The following LIPE variants were observed in gnomAD, a reference collection of about 807,000 sequenced individuals.
LIPE encodes the protein lipase E, hormone sensitive type.
In LIPE, 66 loss-of-function variants were observed where a neutral mutation model predicts 88.5. The observed-to-expected ratio is 0.75, with a 90% CI of 0.61 to 0.91. The LOEUF (loss-of-function observed/expected upper bound fraction) is 0.91. Among genes scored for constraint, LIPE ranks in the 40% least tolerant of loss-of-function variants. LIPE has a pLI of 0.00. For synonymous variants in LIPE, 570 were observed against 617.5 expected (o/e 0.92, Z 1.14); for missense variants, 1,346 against 1,434.7 (o/e 0.94, Z 1.00).
At chr19:42,421,307 T>C (rs35074169) in intron 1 of LIPE, among the ~76,000 whole-genome samples, 38 of 152,282 alleles carry the variant, frequency 2.5e-4, no homozygotes, top group Non-Finnish European at 4.7e-4. Context: ...GCCTCGGGTC[T>C]TTCTCCATAC....
intron 7 of LIPE, 174 bp downstream of exon 7, chr19:42,405,987 C>CAG: frequency 1.7e-6 from 1 of 578,256 alleles, no homozygotes; most frequent in Non-Finnish European, 3.0e-6. Flanking sequence ...CACACACACA[C>CAG]ACACACACAC....
intron 7 of LIPE, 132 bp from the exon 8 acceptor site, chr19:42,405,693 G>C (rs2040148031): frequency 1.2e-6 from 1 of 867,356 alleles, no homozygotes; most frequent in Non-Finnish European, 1.8e-6. Flanking sequence ...AAGGAGGCTG[G>C]GCGCAGTGGC....
chr19:42,423,065 G>A (rs2040630970), intron 1 of LIPE: 1 of 263,130 alleles, frequency 3.8e-6, no homozygotes, highest in South Asian at 3.2e-5. Flanking sequence ...CTGGAGCCCT[G>A]AACATCGGCG....
At chr19:42,409,862 C>T (rs1438759995) in intron 2 of LIPE, among the ~76,000 whole-genome samples, 1 of 152,030 alleles carries the variant, frequency 6.6e-6, no homozygotes, top group African/African-American at 2.4e-5. Flanking sequence ...GATAGGCTAG[C>T]CTGAAGGGAA....
Position 42,427,282 on chromosome 19 carries a change from G to A in LIPE, c.-133C>T. ...TCCTCTTGGGTTTCACTCCATCCTAGCATCACTGGTCTTCCTTTTTAAGGC... is the reference window on the plus strand; with the variant it reads ...TCCTCTTGGGTTTCACTCCATCCTAACATCACTGGTCTTCCTTTTTAAGGC... On this transcript the variant is annotated 5_prime_UTR_variant, in exon 1 of 10. Coordinates refer to ENST00000244289, the MANE Select transcript of LIPE (RefSeq NM_005357.4). 7.0e-6 allele frequency: 10 copies of A among 1,420,224 alleles called. No homozygotes were observed. Among genetic ancestry groups the A allele is most frequent in the East Asian group, 2.5e-5 (1 of 39,714 alleles). The allele number at this position is 1,420,224 out of a possible 1,614,324, so 88.0% of individuals were successfully genotyped here.
chr19:42,415,130 G>A (rs1427161674), intron 1 of LIPE, among the ~76,000 whole-genome samples: 2 of 152,128 alleles, frequency 1.3e-5, no homozygotes, highest in Non-Finnish European at 2.9e-5. Flanking sequence ...TACTCGGGAG[G>A]CTGAGGCAGG....
Position 42,427,174 on chromosome 19 carries a change from T to C in LIPE, c.-25A>G, listed in dbSNP as rs1454176003. On this transcript the variant is annotated 5_prime_UTR_variant, in exon 1 of 10. Coordinates refer to ENST00000244289, the MANE Select transcript of LIPE (RefSeq NM_005357.4). ...TTGTTATTTCCCTCACGGGAGATAT[T>C]GATCTTCCAGGTTCTATCCTTCTGG... The C allele has an allele frequency of 3.8e-6, 6 of 1,562,908 alleles. No homozygotes were observed. Among genetic ancestry groups the C allele is most frequent in the Non-Finnish European group, 5.2e-6 (6 of 1,159,196 alleles).
chr19:42,401,570 C>T lies in LIPE; in HGVS notation c.*242G>A, dbSNP rs1457575623. ...ACCGACCTGCAAGGGAGGGCCAGTC[C>T]CCGTCCCTGCGGCGGTCGCCGCAGC... On this transcript the variant is annotated 3_prime_UTR_variant, in exon 10 of 10. Transcript: ENST00000244289. 1 of 496,372 alleles carries T rather than the reference C, an allele frequency of 2.0e-6. No homozygotes were observed. The highest frequency in any genetic ancestry group is 3.5e-5 in the East Asian group (1 of 28,518). 30.7% of individuals were successfully genotyped at this position (496,372 alleles called of 1,614,324 possible). A position where few individuals can be genotyped will look rare whatever the true frequency, so the allele number is the denominator to read the frequency against.
intron 1 of LIPE, among the ~76,000 whole-genome samples, chr19:42,418,100 A>G (rs2040526336): frequency 6.6e-6 from 1 of 151,888 alleles, no homozygotes; most frequent in South Asian, 2.1e-4. Context: ...CTCCTACCTC[A>G]GCCTCCTGAG....
chr19:42,402,198 G>C (rs1042284651), intron 9 of LIPE, 123 bp from the exon 10 acceptor site: 3 of 950,950 alleles, frequency 3.2e-6, no homozygotes, highest in South Asian at 1.9e-5. Flanking sequence ...CGGAGTGGAC[G>C]GAGGCAGGAG....
At chr19:42,411,335 T>C in intron 1 of LIPE, 2 of 985,108 alleles carry the variant, frequency 2.0e-6, no homozygotes, top group South Asian at 9.4e-5. Flanking sequence ...TCTAGTCACC[T>C]GTCTCCATGA....
intron 1 of LIPE, chr19:42,424,146 T>C: frequency 8.4e-7 from 1 of 1,187,040 alleles, no homozygotes; most frequent in African/African-American, 1.6e-5. Flanking sequence ...ATTGCGCTTT[T>C]CCTGGGGGAT....
At position 42,408,195 on chromosome 19, in the gene LIPE, G is replaced by A. The variant is rs1218726177; in HGVS notation, c.1510+37C>T. On this transcript the variant is annotated intron_variant, in intron 3 of 9. Transcript: ENST00000244289. This position sits in a 1 kb window ranked among gnomAD's most constrained non-coding sequence, Gnocchi z 4.3. The stretch of plus-strand genomic sequence containing the variant: ...GGGCAGGAGTGGGGAGGAGGGCCAA[G>A]AGAGTAGGCTGCGAGTAGAACCTGG... 1.2e-6 allele frequency: 2 copies of A among 1,613,836 alleles called. No individual in the cohort carries two copies. Among genetic ancestry groups the A allele is most frequent in the Non-Finnish European group, 1.7e-6 (2 of 1,179,736 alleles).
chr19:42,418,467 A>C (rs1254236336), intron 1 of LIPE, among the ~76,000 whole-genome samples: 1 of 152,202 alleles, frequency 6.6e-6, no homozygotes, highest in Non-Finnish European at 1.5e-5. Flanking sequence ...CACTGGGGCA[A>C]GACCCTCCAC....
chr19:42,421,051 A>G (rs1449045380), intron 1 of LIPE, among the ~76,000 whole-genome samples: 2 of 152,014 alleles, frequency 1.3e-5, no homozygotes, highest in African/African-American at 4.8e-5. Flanking sequence ...GGTACACCCC[A>G]CCATGCCCGG....
intron 1 of LIPE, among the ~76,000 whole-genome samples, chr19:42,416,340 G>A (rs1310484859): frequency 1.3e-5 from 2 of 151,092 alleles, no homozygotes; most frequent in Non-Finnish European, 2.9e-5. Context: ...GTGAAACTTT[G>A]TCTCAAAAAA....
chr19:42,424,169 G>A (rs2040661136), intron 1 of LIPE: 1 of 1,126,196 alleles, frequency 8.9e-7, no homozygotes, highest in African/African-American at 1.6e-5. Flanking sequence ...TTCTCCCTCT[G>A]TCTCCGCCCC....
At position 42,426,983 on chromosome 19, in the gene LIPE, C is replaced by G. The variant is rs144611416; in HGVS notation, c.167G>C (p.Arg56Thr). ...AGGGGTCTCCTGCTGGGTGAGGGGT[C>G]TTTGGTTTGAAGCAGGCTTCTGTTG... Reference protein sequence around the residue: ...NTQQKPASNQRPLTQQETPAQ... With the variant: ...NTQQKPASNQTPLTQQETPAQ... The change falls in exon 1 of 10, where the codon AGA (arginine) becomes ACA (threonine). Residue 56 changes from arginine (R) to threonine (T), a missense_variant. Arg to Thr is a moderately conservative substitution (Grantham distance 71). Coordinates refer to ENST00000244289, the MANE Select transcript of LIPE (RefSeq NM_005357.4). The G allele has an allele frequency of 1.2e-6, 2 of 1,613,770 alleles. No individual in the cohort carries two copies. The highest frequency in any genetic ancestry group is 1.7e-6 in the Non-Finnish European group (2 of 1,179,994).
At chr19:42,403,161 T>A in intron 8 of LIPE, 130 bp from the exon 9 acceptor site, 2 of 929,164 alleles carry the variant, frequency 2.2e-6, no homozygotes, top group Non-Finnish European at 3.1e-6. Context: ...GACTCTTGCC[T>A]AGGGGATGGG....
Sources: allele counts gnomAD v4.1 joint callset (sites outside exome capture counted in the v4.1 genomes callset), GRCh38; gene constraint gnomAD v4.1.1; non-coding constraint Gnocchi (gnomAD v3.1); transcripts MANE v1.5; gene names NCBI Gene and HGNC (gene_info 2026-07-23, HGNC 2026-07-21).